Variants in ARID1B observed in about 807,000 individuals in gnomAD.
The protein encoded by ARID1B is AT-rich interactive domain-containing protein 1B.
ARID1B carries 30 observed loss-of-function variants against 212.3 expected under a neutral mutation model. That is an observed-to-expected ratio of 0.14 (90% confidence interval 0.11 to 0.19). The LOEUF is 0.19. ARID1B is among the 10% of genes least tolerant of loss of function. The probability of loss-of-function intolerance (pLI) is 1.00; values close to 1 mark genes in which losing one functional copy is unlikely to be tolerated. For missense variants in ARID1B, 2,891 were observed against 3,204.0 expected, an observed-to-expected ratio of 0.90 and a Z score of 2.36; for synonymous variants, 1,402 against 1,301.7, an observed-to-expected ratio of 1.08 and a Z score of -1.66.
At chr6:156,897,214 TGC>T (rs1562468215) in intron 2 of ARID1B, among the ~76,000 whole-genome samples, 52 of 75,498 alleles carry the variant, frequency 6.9e-4, no homozygotes, top group African/African-American at 2.2e-3. Context: ...CTGCTGCTGC[TGC>T]TGCTTCTTCT....
At position 156,846,542 on chromosome 6, in the gene ARID1B, G is replaced by C. The variant is rs79515956; in HGVS notation, c.1986+17121G>C. Among the ~76,000 whole-genome samples the C allele has an allele frequency of 2.7e-3, 407 of 152,148 alleles. 1 individual carries two copies. Among genetic ancestry groups the C allele is most frequent in the African/African-American group, 8.8e-3 (364 of 41,500 alleles). On this transcript the variant is annotated intron_variant, in intron 2 of 19. Coordinates refer to ENST00000636930, the MANE Select transcript of ARID1B (RefSeq NM_001374828.1). ...GCCAGTTCTGAGAACCGATCGGCAC[G>C]TTGTGTGTGTGGACGGGGCTGCGGT... is the stretch of plus-strand genomic sequence containing the variant.
chr6:156,867,158 T>C (rs1212093182), intron 2 of ARID1B, among the ~76,000 whole-genome samples: 25 of 152,322 alleles, frequency 1.6e-4, no homozygotes, highest in Admixed American at 1.6e-3. Context: ...ACATGACATA[T>C]CTGGACCTAC....
At chr6:156,989,577 C>T (rs1778146047) in intron 4 of ARID1B, among the ~76,000 whole-genome samples, 1 of 152,150 alleles carries the variant, frequency 6.6e-6, no homozygotes, top group South Asian at 2.1e-4. Context: ...CCAATTGGGC[C>T]GCCCCATAGT....
At chr6:156,788,278 T>A (rs1002563182) in intron 1 of ARID1B, among the ~76,000 whole-genome samples, 1 of 152,132 alleles carries the variant, frequency 6.6e-6, no homozygotes, top group Non-Finnish European at 1.5e-5. Flanking sequence ...ATACATAGAT[T>A]TTTGCATTCC....
chr6:157,056,896 T>G (rs946540008), intron 4 of ARID1B, among the ~76,000 whole-genome samples: 8 of 151,854 alleles, frequency 5.3e-5, no homozygotes, highest in African/African-American at 1.7e-4. Context: ...AAAACTTTTC[T>G]TCTTTTTTTT....
intron 15 of ARID1B, chr6:157,195,856 T>G: frequency 6.7e-6 from 2 of 299,918 alleles, no homozygotes; most frequent in Non-Finnish European, 1.3e-5. Flanking sequence ...AGGTCAGGAG[T>G]TCAAGACCAG....
At chr6:156,841,080 A>G (rs1170858837) in intron 2 of ARID1B, among the ~76,000 whole-genome samples, 2 of 152,218 alleles carry the variant, frequency 1.3e-5, no homozygotes, top group African/African-American at 4.8e-5. Flanking sequence ...GCTGGAGGGA[A>G]GAGAGTTCTA....
At chr6:156,918,157 T>C (rs1790506274) in intron 3 of ARID1B, among the ~76,000 whole-genome samples, 1 of 152,224 alleles carries the variant, frequency 6.6e-6, no homozygotes, top group Admixed American at 6.5e-5. Flanking sequence ...GATTTAAAGC[T>C]TGTAACAGCA....
In ARID1B at chr6:156,835,201, C is replaced by T. The variant is rs1198595325; in HGVS notation, c.1986+5780C>T. ...CTTGCAGTGAGCCGAGATCTTGCCA[C>T]TGCACTCCAGCCTGGGTGACAGAGG... is the stretch of plus-strand genomic sequence containing the variant. On this transcript the variant is annotated intron_variant, in intron 2 of 19. Coordinates refer to ENST00000636930, the MANE Select transcript of ARID1B (RefSeq NM_001374828.1). Among the ~76,000 whole-genome samples, 3 of 143,530 alleles carry T rather than the reference C, an allele frequency of 2.1e-5. No individual in the cohort carries two copies. The East Asian group carries it at 6.0e-4, about 29-fold the overall frequency. The allele number at this position is 143,530 out of a possible 152,430, so 94.2% of individuals were successfully genotyped here. A position where few individuals can be genotyped will look rare whatever the true frequency, so the allele number is the denominator to read the frequency against.
chr6:156,981,812 A>G (rs1777621949), intron 4 of ARID1B, among the ~76,000 whole-genome samples: 1 of 151,436 alleles, frequency 6.6e-6, no homozygotes, highest in Non-Finnish European at 1.5e-5. Flanking sequence ...TTTTTTTTTC[A>G]CATGCTTTTC....
At chr6:157,150,249 G>A (rs949466098) in intron 8 of ARID1B, 3 of 152,170 alleles carry the variant, frequency 2.0e-5, no homozygotes, top group African/African-American at 7.2e-5. Flanking sequence ...GCCACAGAGA[G>A]CCAGGCCTGA....
rs2128031984 is a variant in ARID1B, at chr6:156,825,212, A to G, written c.1792-4015A>G. ...CTGGTAGTGAGAAGCAGGAGTTGAG[A>G]CCCTCAGTTGTACATTTTTAATGCT... is the stretch of plus-strand genomic sequence containing the variant. On this transcript the variant is annotated intron_variant, in intron 1 of 19. Transcript: ENST00000636930. Among the ~76,000 whole-genome samples the G allele has an allele frequency of 1.3e-5, 2 of 152,314 alleles. 1 individual carries two copies. The highest frequency in any genetic ancestry group is 4.1e-4 in the South Asian group (2 of 4,828).
chr6:156,893,047 T>TATTTG (rs1788077101), intron 2 of ARID1B, among the ~76,000 whole-genome samples: 1 of 134,224 alleles, frequency 7.5e-6, no homozygotes, highest in Non-Finnish European at 1.6e-5. Context: ...TTTTCTTCCT[T>TATTTG]TTTTTTTTTT....
intron 9 of ARID1B, chr6:157,167,497 T>C (rs1319453059): frequency 2.0e-5 from 4 of 203,330 alleles, no homozygotes; most frequent in African/African-American, 6.9e-5. Context: ...TATTGGAAGA[T>C]CCTCAAATTC....
chr6:156,834,182 T>C (rs976972931), intron 2 of ARID1B, among the ~76,000 whole-genome samples: 1 of 152,032 alleles, frequency 6.6e-6, no homozygotes, highest in African/African-American at 2.4e-5. Flanking sequence ...AATTCCAGAG[T>C]TTTTCATCAT....
intron 7 of ARID1B, among the ~76,000 whole-genome samples, chr6:157,147,464 A>C (rs867153829): frequency 6.4e-3 from 22 of 3,424 alleles, no homozygotes; most frequent in Admixed American, 0.01. Context: ...TCCGGCCCTG[A>C]CCTCCGTCCC....
chr6:156,966,381 C>CTT lies in ARID1B; in HGVS notation c.2247+30808_2247+30809dup, dbSNP rs1249420315. ...TACAGACATAAATAACTTTTCTTTT[C>CTT]TTTTCTTTTTTTTTTTTTTTTTTTT... is the stretch of plus-strand genomic sequence containing the variant. On this transcript the variant is annotated intron_variant, in intron 4 of 19. Coordinates refer to ENST00000636930, the MANE Select transcript of ARID1B (RefSeq NM_001374828.1). Among the ~76,000 whole-genome samples the CTT allele has an allele frequency of 8.9e-5, 8 of 89,432 alleles. 1 individual carries two copies. Among genetic ancestry groups the CTT allele is most frequent in the African/African-American group, 3.1e-4 (8 of 26,210 alleles). The allele number at this position is 89,432 out of a possible 152,430, so 58.7% of individuals were successfully genotyped here.
At chr6:157,156,839 C>T (rs967197838) in intron 8 of ARID1B, among the ~76,000 whole-genome samples, 11 of 152,146 alleles carry the variant, frequency 7.2e-5, no homozygotes, top group African/African-American at 2.7e-4. Context: ...AGGCATGCTC[C>T]GGACGCTTCC....
intron 4 of ARID1B, among the ~76,000 whole-genome samples, chr6:157,006,031 T>C (rs1200796846): frequency 6.6e-6 from 1 of 152,110 alleles, no homozygotes; most frequent in Non-Finnish European, 1.5e-5. Context: ...CTTCTTATTC[T>C]TGCCACCCCA....
Sources: gnomAD v4.1 joint callset for allele counts (sites outside exome capture counted in the v4.1 genomes callset) on GRCh38, gnomAD v4.1.1 for gene constraint, MANE v1.5 for transcripts, NCBI Gene and HGNC (gene_info 2026-07-23, HGNC 2026-07-21) for gene names.